CELSR2: variants seen among roughly 807,000 people sequenced by gnomAD.
The protein encoded by CELSR2 is cadherin EGF LAG seven-pass G-type receptor 2, also known as EGF-like protein 2.
A neutral mutation model predicts 251.6 loss-of-function variants in CELSR2; 81 were observed. The ratio of observed to expected loss-of-function variants is 0.32; its 90% CI spans 0.27 to 0.39. The LOEUF (loss-of-function observed/expected upper bound fraction) is 0.39, where lower values mean the gene tolerates loss of function less well. Ranked by LOEUF, CELSR2 falls within the 10% of genes least tolerant of loss-of-function variation. The pLI is 1.00. For missense variants in CELSR2, 3,365 were observed against 3,947.7 expected (o/e 0.85, Z 3.96); for synonymous variants, 1,721 against 1,670.5 (o/e 1.03, Z -0.74).
In CELSR2 at chr1:109,275,654, G is replaced by A. The variant is rs1039650076; in HGVS notation, c.*1605G>A. 2 of 152,214 alleles carry A rather than the reference G, an allele frequency of 1.3e-5. No homozygotes were observed. Among genetic ancestry groups the A allele is most frequent in the African/African-American group, 4.8e-5 (2 of 41,468 alleles). 9.4% of individuals were successfully genotyped at this position (152,214 alleles called of 1,614,324 possible). ...GATGCTAACTTGGTACTAACCATCA[G>A]ATTGTACAGTTTGGTTGTTGCTGTA... On this transcript the variant is annotated 3_prime_UTR_variant, in exon 34 of 34. Coordinates refer to ENST00000271332, the MANE Select transcript of CELSR2 (RefSeq NM_001408.3).
At chr1:109,259,501 G>A (rs1057405546) in intron 2 of CELSR2, among the ~76,000 whole-genome samples, 1 of 152,228 alleles carries the variant, frequency 6.6e-6, no homozygotes, top group East Asian at 1.9e-4. Flanking sequence ...ACAGCTGGTG[G>A]CATGGAAGGT....
In CELSR2 at chr1:109,261,705, A is replaced by G. The variant is rs1004817157; in HGVS notation, c.4297+77A>G. The G allele has an allele frequency of 3.0e-5, 47 of 1,547,408 alleles. No individual in the cohort carries two copies. The highest frequency in any genetic ancestry group is 2.7e-6 in the Non-Finnish European group (3 of 1,125,210). Reference sequence around the variant, plus strand: ...TCCAGCCCCTGACCCCAAGCCACATACTCTATCAGCCAAATCTGGGCCCAG... The same window carrying G: ...TCCAGCCCCTGACCCCAAGCCACATGCTCTATCAGCCAAATCTGGGCCCAG... On this transcript the variant is annotated intron_variant, in intron 4 of 33. Coordinates refer to ENST00000271332, the MANE Select transcript of CELSR2 (RefSeq NM_001408.3). This position sits in a 1 kb window ranked among gnomAD's most constrained non-coding sequence, Gnocchi z 4.8.
intron 9 of CELSR2, 45 bp downstream of exon 9, chr1:109,263,822 C>T (rs751644815): frequency 1.4e-5 from 22 of 1,591,554 alleles, no homozygotes; most frequent in Non-Finnish European, 1.7e-5. Flanking sequence ...CCATAGGGCC[C>T]TGGTAGCCTC....
chr1:109,261,202 C>T lies in CELSR2; in HGVS notation c.4119C>T (p.Pro1373=), dbSNP rs542136520. 45 of 1,614,108 alleles carry T rather than the reference C, an allele frequency of 2.8e-5. 1 individual carries two copies. In the Admixed American group the frequency reaches 5.5e-4, roughly 20 times the overall value. ...PYCQVTTRSF[P]AHSFITFRGL... The stretch of plus-strand genomic sequence containing the variant: ...GCCAGGTGACCACGCGCAGCTTCCC[C>T]GCCCACTCCTTCATCACCTTTCGCG... Residue 1373 remains proline, a synonymous_variant, in exon 3 of 34, where the codon CCC becomes CCT. Transcript: ENST00000271332. The surrounding 1 kb of genome is among the most constrained non-coding windows in gnomAD (Gnocchi z 4.8).
Position 109,255,874 on chromosome 1 carries a change from A to C in CELSR2, c.3310+2485A>C, listed in dbSNP as rs558064778. Among the ~76,000 whole-genome samples, 6 of 152,320 alleles carry C rather than the reference A, an allele frequency of 3.9e-5. No individual in the cohort carries two copies. In the East Asian group the frequency reaches 1.2e-3, roughly 29 times the overall value. On this transcript the variant is annotated intron_variant, in intron 1 of 33. Transcript: ENST00000271332. ...CAGCAGAGGGGGCAGGTGGCCACAGATGGTGGACCAGATGGGAAGCAACAG... is the reference window on the plus strand; with the variant it reads ...CAGCAGAGGGGGCAGGTGGCCACAGCTGGTGGACCAGATGGGAAGCAACAG...
Position 109,267,586 on chromosome 1 carries a change from C to A in CELSR2, c.6052C>A (p.Leu2018Ile). 1 of 1,614,166 alleles carries A rather than the reference C, an allele frequency of 6.2e-7. No homozygotes were observed. The highest frequency in any genetic ancestry group is 8.5e-7 in the Non-Finnish European group (1 of 1,180,020). ...CCACTGTGATGAGCACAGGGGGTGG[C>A]TCCCCCCAAACCTCTTCAACTGCAC... is the stretch of plus-strand genomic sequence containing the variant. ...VRHCDEHRGW[L>I]PPNLFNCTSI... Residue 2018 changes from leucine to isoleucine, a missense_variant, in exon 16 of 34, where the codon CTC becomes ATC. Around this residue, in one of 5 missense-constraint regions of CELSR2, gnomAD observed 2,093 missense variants for 2,382.8 expected, o/e 0.88. Transcript: ENST00000271332.
At chr1:109,268,490 C>A (rs1409583771) in intron 17 of CELSR2, 91 bp from the exon 18 acceptor site, 3 of 1,456,996 alleles carry the variant, frequency 2.1e-6, no homozygotes, top group South Asian at 2.8e-5. Flanking sequence ...TGGTGGGGAG[C>A]AGGGACTGGC....
intron 24 of CELSR2, 91 bp downstream of exon 24, chr1:109,270,691 C>T (rs1656347311): frequency 1.4e-5 from 20 of 1,475,830 alleles, no homozygotes; most frequent in Non-Finnish European, 1.8e-5. Flanking sequence ...GCCCTGAGGC[C>T]CCACATCCCC....
Position 109,265,284 on chromosome 1 carries a change from C to T in CELSR2, c.5700C>T (p.Asn1900=). Reference sequence around the variant, plus strand: ...GCAAAGGCTTTGACCCAGACTGCAACAAGACAAGCGGCGAGTGCCACTGCA... The same window carrying T: ...GCAAAGGCTTTGACCCAGACTGCAATAAGACAAGCGGCGAGTGCCACTGCA... ...DVSKGFDPDC[N]KTSGECHCKE... is the part of the protein sequence containing the mutation. The change falls in exon 13 of 34, where the codon AAC becomes AAT. Residue 1900 remains asparagine, a synonymous_variant. Transcript: ENST00000271332. 6.2e-7 allele frequency: 1 copy of T among 1,610,806 alleles called. No homozygotes were observed. Among genetic ancestry groups the T allele is most frequent in the Non-Finnish European group, 8.5e-7 (1 of 1,178,268 alleles).
chr1:109,251,626 A>C lies in CELSR2; in HGVS notation c.1547A>C (p.Glu516Ala). ...VSTPFQATVL[E>A]SVPLGYLVLH... ...ACCCCTTTCCAGGCTACTGTCCTGG[A>C]GAGTGTCCCCTTAGGCTACCTGGTT... Residue 516 changes from glutamate to alanine, a missense_variant, in exon 1 of 34, where the codon GAG becomes GCG. By Grantham distance (107) the Glu-to-Ala change is moderately radical (BLOSUM62 -1). Coordinates refer to ENST00000271332, the MANE Select transcript of CELSR2 (RefSeq NM_001408.3). This position sits in a 1 kb window ranked among gnomAD's most constrained non-coding sequence, Gnocchi z 4.9. The C allele has an allele frequency of 6.2e-7, 1 of 1,613,828 alleles. No individual in the cohort carries two copies. The highest frequency in any genetic ancestry group is 8.5e-7 in the Non-Finnish European group (1 of 1,179,866).
At chr1:109,262,007 G>A (rs1457318738) in intron 5 of CELSR2, 111 bp downstream of exon 5, 1 of 1,259,428 alleles carries the variant, frequency 7.9e-7, no homozygotes, top group African/African-American at 1.5e-5. Context: ...GGCATTTCTG[G>A]CTGAGAGGAA....
rs764494127 is a variant in CELSR2, at chr1:109,251,471, T to C, written c.1392T>C (p.Tyr464=). 6.2e-7 allele frequency: 1 copy of C among 1,613,784 alleles called. No homozygotes were observed. Among genetic ancestry groups the C allele is most frequent in the Non-Finnish European group, 8.5e-7 (1 of 1,180,000 alleles). ...GALDVVSPLD[Y]ETTKEYTLRV... ...TGGATGTGGTGAGCCCTCTTGACTA[T>C]GAGACGACCAAGGAGTACACCCTAC... The change falls in exon 1 of 34, where the codon TAT becomes TAC. Residue 464 remains tyrosine (Y), a synonymous_variant. Transcript: ENST00000271332. The surrounding 1 kb of genome is among the most constrained non-coding windows in gnomAD (Gnocchi z 4.9).
At position 109,262,848 on chromosome 1, in the gene CELSR2, T is replaced by C. The variant is rs1557732284; in HGVS notation, c.4587T>C (p.Pro1529=). 1.2e-6 allele frequency: 2 copies of C among 1,613,674 alleles called. No homozygotes were observed. The highest frequency in any genetic ancestry group is 2.7e-5 in the African/African-American group (2 of 75,066). The change falls in exon 7 of 34, where the codon CCT becomes CCC. Residue 1529 remains proline (P), a synonymous_variant. Transcript: ENST00000271332. ...LTGPLLLGGV[P]DLPESFPVRM... Reference sequence around the variant, plus strand: ...GGCCCCTGCTACTAGGCGGGGTGCCTGACCTGCCCGAGAGCTTCCCAGTCC... The same window carrying C: ...GGCCCCTGCTACTAGGCGGGGTGCCCGACCTGCCCGAGAGCTTCCCAGTCC...
rs375279945 is a variant in CELSR2 at position 109,263,716 on chromosome 1, G to A, written c.4940G>A (p.Arg1647His). 3.7e-6 allele frequency: 6 copies of A among 1,613,882 alleles called. No homozygotes were observed. Among genetic ancestry groups the A allele is most frequent in the South Asian group, 3.3e-5 (3 of 91,088 alleles). ...PWYLSLMFRT[R>H]QADGVLLQAI... ...TACCTCAGCCTCATGTTCCGCACGC[G>A]CCAGGCCGACGGTGTCCTGCTGCAG... The change falls in exon 9 of 34, where the codon CGC (arginine) becomes CAC (histidine). Residue 1647 changes from arginine (R) to histidine (H), a missense_variant. Physicochemically the swap from Arg to His is conservative, Grantham distance 29 (BLOSUM62 0). This residue lies in a region of CELSR2 where 2,093 missense variants were observed against 2,382.8 expected (regional missense o/e 0.88). Coordinates refer to ENST00000271332, the MANE Select transcript of CELSR2 (RefSeq NM_001408.3).
In CELSR2 at chr1:109,258,877, C is replaced by G. The variant is rs768473589; in HGVS notation, c.3756C>G (p.Ser1252=). Reference sequence around the variant, plus strand: ...TGTCGGTGCTGCGCTTCGACTCCTCCGCGCCCTTCATCGCCTCCTCCTCCG... The same window carrying G: ...TGTCGGTGCTGCGCTTCGACTCCTCGGCGCCCTTCATCGCCTCCTCCTCCG... ...RCVSVLRFDS[S]APFIASSSVL... Residue 1252 remains serine, a synonymous_variant, in exon 2 of 34, where the codon TCC becomes TCG. Coordinates refer to ENST00000271332, the MANE Select transcript of CELSR2 (RefSeq NM_001408.3). 3 of 1,612,248 alleles carry G rather than the reference C, an allele frequency of 1.9e-6. No individual in the cohort carries two copies. Among genetic ancestry groups the G allele is most frequent in the Non-Finnish European group, 2.5e-6 (3 of 1,179,374 alleles).
At chr1:109,258,027 C>T (rs916250030) in intron 1 of CELSR2, among the ~76,000 whole-genome samples, 18 of 152,054 alleles carry the variant, frequency 1.2e-4, no homozygotes, top group African/African-American at 2.7e-4. Context: ...TTGCGATTAT[C>T]GTGGTGTTGA....
intron 1 of CELSR2, among the ~76,000 whole-genome samples, chr1:109,254,081 G>A (rs1254834150): frequency 3.9e-5 from 6 of 152,236 alleles, no homozygotes; most frequent in Admixed American, 2.0e-4. Context: ...TCCGTGGTTC[G>A]GGTCTGGCTT....
intron 14 of CELSR2, 47 bp downstream of exon 14, chr1:109,265,965 G>T: frequency 6.3e-7 from 1 of 1,590,778 alleles, no homozygotes; most frequent in Non-Finnish European, 8.6e-7. Context: ...AGTGTGCTAG[G>T]CACCTGCACC....
intron 33 of CELSR2, 99 bp from the exon 34 acceptor site, chr1:109,273,923 T>G: frequency 6.7e-7 from 1 of 1,493,816 alleles, no homozygotes; most frequent in African/African-American, 1.4e-5. Flanking sequence ...TGGGGGTGCT[T>G]TCCTGTTTCC....
Sources: gnomAD v4.1 joint callset for allele counts (sites outside exome capture counted in the v4.1 genomes callset) on GRCh38, gnomAD v4.1.1 for gene constraint, gnomAD v4.1.1 regional missense constraint, Gnocchi (gnomAD v3.1) non-coding constraint, MANE v1.5 for transcripts, NCBI Gene and HGNC (gene_info 2026-07-23, HGNC 2026-07-21) for gene names.